The following PIK3AP1 variants were observed in gnomAD, a reference collection of about 807,000 sequenced individuals.
PIK3AP1 encodes the protein phosphoinositide 3-kinase adapter protein 1.
Under a neutral mutation model 88.1 loss-of-function variants are expected in PIK3AP1, and 21 were observed. The ratio of observed to expected loss-of-function variants is 0.24; its 90% CI spans 0.17 to 0.34. The LOEUF (loss-of-function observed/expected upper bound fraction) is 0.34. Ranked by LOEUF, PIK3AP1 falls within the 10% of genes least tolerant of loss-of-function variation. PIK3AP1 has a pLI of 1.00. For missense variants in PIK3AP1, 828 were observed against 1,035.7 expected (o/e 0.80, Z 2.75); for synonymous variants, 398 against 400.0 (o/e 1.00, Z 0.06).
At chr10:96,699,184 CA>C (rs968420822) in intron 2 of PIK3AP1, among the ~76,000 whole-genome samples, 12 of 145,896 alleles carry the variant, frequency 8.2e-5, no homozygotes, top group African/African-American at 1.3e-4. Context: ...AACTCTGTCT[CA>C]AAAAAAAAAA....
chr10:96,709,738 G>C lies in PIK3AP1; in HGVS notation c.259C>G (p.Leu87Val), dbSNP rs772469109. 7.4e-6 allele frequency: 12 copies of C among 1,614,110 alleles called. 1 individual carries two copies. The South Asian group carries it at 1.3e-4, about 18-fold the overall frequency. ...GGAGGATGGAAAGCTCTCTGCAGCA[G>C]GGGCAGCAAGGCGGGCTTGTGGAAG... ...QHFHKPALLP[L>V]LQRAFHPPHR... is the part of the protein sequence containing the mutation. The change falls in exon 2 of 17, where the codon CTG becomes GTG. Residue 87 changes from leucine (L) to valine (V), a missense_variant. By Grantham distance (32) the Leu-to-Val change is conservative. Coordinates refer to ENST00000339364, the MANE Select transcript of PIK3AP1 (RefSeq NM_152309.3).
chr10:96,633,336 A>C, intron 8 of PIK3AP1: 1 of 306,152 alleles, frequency 3.3e-6, no homozygotes, highest in Non-Finnish European at 6.0e-6. Flanking sequence ...GAAGGTCAAA[A>C]TCTTATGCAG....
chr10:96,636,594 T>C (rs942787117), intron 8 of PIK3AP1, among the ~76,000 whole-genome samples: 9 of 152,218 alleles, frequency 5.9e-5, no homozygotes, highest in Non-Finnish European at 1.3e-4. Context: ...TGCTCAGGGC[T>C]TGTACTTCAG....
At chr10:96,653,024 T>C (rs1370864940) in intron 3 of PIK3AP1, among the ~76,000 whole-genome samples, 182 bp from the exon 4 acceptor site, 1 of 151,706 alleles carries the variant, frequency 6.6e-6, no homozygotes, top group Non-Finnish European at 1.5e-5. Context: ...ACGAGACAAG[T>C]CACAAAAACC....
chr10:96,643,747 G>T (rs1373278159), intron 8 of PIK3AP1, among the ~76,000 whole-genome samples: 2 of 152,176 alleles, frequency 1.3e-5, no homozygotes, highest in Non-Finnish European at 2.9e-5. Flanking sequence ...CATCCTGTTG[G>T]TGCCTGCTCT....
rs1589484825 is a variant in PIK3AP1 at position 96,609,831 on chromosome 10, T to C, written c.2051A>G (p.His684Arg). 1 of 1,613,948 alleles carries C rather than the reference T, an allele frequency of 6.2e-7. No homozygotes were observed. The highest frequency in any genetic ancestry group is 1.3e-5 in the African/African-American group (1 of 74,870). ...TCCAAACTCCACTTTTGCAGGCAGGTGCTGTGAGTGCCGAATTGGGACCGT... is the reference window on the plus strand; with the variant it reads ...TCCAAACTCCACTTTTGCAGGCAGGCGCTGTGAGTGCCGAATTGGGACCGT... The part of the protein sequence containing the change: ...EITVPIRHSQ[H>R]LPAKVEFGVY... Residue 684 changes from histidine (H) to arginine (R), a missense_variant, in exon 14 of 17, where the codon CAC (histidine) becomes CGC (arginine). Transcript: ENST00000339364.
intron 1 of PIK3AP1, among the ~76,000 whole-genome samples, chr10:96,714,836 A>G (rs1476314294): frequency 6.6e-6 from 1 of 152,276 alleles, no homozygotes; most frequent in Non-Finnish European, 1.5e-5. Flanking sequence ...ACAGGAGTCC[A>G]TACTGATACA....
chr10:96,652,637 T>C (rs1843555487), intron 4 of PIK3AP1, 61 bp downstream of exon 4: 2 of 1,577,906 alleles, frequency 1.3e-6, no homozygotes, highest in East Asian at 2.2e-5. Flanking sequence ...GTGGCATTGG[T>C]GACAGCATAG....
chr10:96,670,327 T>C (rs998516132), intron 2 of PIK3AP1, among the ~76,000 whole-genome samples: 2 of 152,202 alleles, frequency 1.3e-5, no homozygotes, highest in South Asian at 2.1e-4. Flanking sequence ...ATATTTTCTA[T>C]TTAAAGTAAT....
chr10:96,593,704 T>C lies in PIK3AP1; in HGVS notation c.*1873A>G, dbSNP rs1327581296. 5 of 152,214 alleles carry C rather than the reference T, an allele frequency of 3.3e-5. No individual in the cohort carries two copies. The highest frequency in any genetic ancestry group is 9.6e-5 in the African/African-American group (4 of 41,460). The allele number at this position is 152,214 out of a possible 1,614,324, so 9.4% of individuals were successfully genotyped here. A position where few individuals can be genotyped will look rare whatever the true frequency, so the allele number is the denominator to read the frequency against. On this transcript the variant is annotated 3_prime_UTR_variant, in exon 17 of 17. Coordinates refer to ENST00000339364, the MANE Select transcript of PIK3AP1 (RefSeq NM_152309.3). Reference sequence around the variant, plus strand: ...AGTAAAAGGATCACTGAGGGAACATTTGAAGAATGCTACTAAGTGCCAGGT... The same window carrying C: ...AGTAAAAGGATCACTGAGGGAACATCTGAAGAATGCTACTAAGTGCCAGGT...
chr10:96,705,884 G>GTTT (rs964917515), intron 2 of PIK3AP1, among the ~76,000 whole-genome samples: 37 of 60,968 alleles, frequency 6.1e-4, no homozygotes, highest in African/African-American at 8.7e-4. Context: ...CCAGCCAGTT[G>GTTT]TTTTTTTTTT....
In PIK3AP1 at chr10:96,628,899, T is replaced by C. The variant is rs12785100; in HGVS notation, c.1376-406A>G. 0.016 allele frequency among the ~76,000 whole-genome samples: 240 copies of C among 15,094 alleles called. 20 individuals carry two copies. In the East Asian group the frequency reaches 0.22, roughly 14 times the overall value. The allele number at this position is 15,094 out of a possible 152,430, so 9.9% of individuals were successfully genotyped here. ...ACATATATATATATACATATATATATATATATATGTGTATATATATATATA... is the reference window on the plus strand; with the variant it reads ...ACATATATATATATACATATATATACATATATATGTGTATATATATATATA... On this transcript the variant is annotated intron_variant, in intron 8 of 16. Transcript: ENST00000339364.
intron 8 of PIK3AP1, chr10:96,633,293 G>A (rs1376002860): frequency 4.8e-6 from 2 of 412,726 alleles, no homozygotes; most frequent in Admixed American, 4.3e-5. Context: ...GCTCTTACCA[G>A]GTTACCGGGG....
intron 13 of PIK3AP1, among the ~76,000 whole-genome samples, chr10:96,610,318 A>G (rs1849085490): frequency 6.6e-6 from 1 of 152,116 alleles, no homozygotes; most frequent in East Asian, 1.9e-4. Flanking sequence ...GAGTTCTGAG[A>G]GCTATGGTAT....
At chr10:96,655,880 C>T (rs1843607770) in intron 3 of PIK3AP1, among the ~76,000 whole-genome samples, 1 of 152,238 alleles carries the variant, frequency 6.6e-6, no homozygotes, top group South Asian at 2.1e-4. Context: ...ATTTCCCAGT[C>T]TCAGGTATGT....
chr10:96,676,389 C>A (rs1398965700), intron 2 of PIK3AP1, among the ~76,000 whole-genome samples: 1 of 150,178 alleles, frequency 6.7e-6, no homozygotes, highest in African/African-American at 2.5e-5. Flanking sequence ...CTACATCTTA[C>A]CAGAGTCACA....
chr10:96,643,441 G>A (rs991081678), intron 8 of PIK3AP1, among the ~76,000 whole-genome samples: 8 of 152,110 alleles, frequency 5.3e-5, no homozygotes, highest in Non-Finnish European at 7.4e-5. Context: ...GGTAGCTTTC[G>A]GACTTCAGGT....
At chr10:96,698,752 A>G (rs577208215) in intron 2 of PIK3AP1, among the ~76,000 whole-genome samples, 2 of 152,042 alleles carry the variant, frequency 1.3e-5, no homozygotes, top group East Asian at 3.9e-4. Flanking sequence ...AAATAAATAA[A>G]TAAGTAAAAT....
At chr10:96,679,603 T>G (rs1843971483) in intron 2 of PIK3AP1, among the ~76,000 whole-genome samples, 1 of 152,242 alleles carries the variant, frequency 6.6e-6, no homozygotes. Context: ...TCTGTTAAGA[T>G]AGTTCTGCTG....
Sources: gnomAD v4.1 joint callset for allele counts (sites outside exome capture counted in the v4.1 genomes callset) on GRCh38, gnomAD v4.1.1 for gene constraint, MANE v1.5 for transcripts, NCBI Gene and HGNC (gene_info 2026-07-23, HGNC 2026-07-21) for gene names.